The following TMEM218 variants were observed in gnomAD, a reference collection of about 807,000 sequenced individuals.
TMEM218 encodes the protein transmembrane protein 218.
TMEM218 carries 8 observed loss-of-function variants against 10.0 expected under a neutral mutation model. The ratio of observed to expected loss-of-function variants is 0.80; its 90% confidence interval spans 0.47 to 1.44. TMEM218 has a LOEUF of 1.44. Ranked by LOEUF, TMEM218 falls within the 40% of genes most tolerant of loss-of-function variation. The pLI is 0.00. For synonymous variants in TMEM218, 66 were observed against 63.5 expected (o/e 1.04, Z -0.18); for missense variants, 110 against 140.1 (o/e 0.79, Z 1.08).
chr11:125,098,438 C>A (rs187409148), intron 4 of TMEM218, among the ~76,000 whole-genome samples: 18 of 152,288 alleles, frequency 1.2e-4, no homozygotes, highest in Admixed American at 1.2e-3. Flanking sequence ...TGTCCACTGA[C>A]CCCTTCCAGA....
chr11:125,111,020 C>T (rs1053981694), intron 1 of TMEM218, among the ~76,000 whole-genome samples: 6 of 152,202 alleles, frequency 3.9e-5, no homozygotes, highest in Non-Finnish European at 4.4e-5. Flanking sequence ...GTAGCATCTG[C>T]TCTTAACACG....
chr11:125,111,046 G>A (rs1440449108), intron 1 of TMEM218, among the ~76,000 whole-genome samples: 4 of 152,184 alleles, frequency 2.6e-5, no homozygotes, highest in African/African-American at 9.7e-5. Context: ...AGAAAAAGGA[G>A]GATCAGTAAA....
intron 1 of TMEM218, chr11:125,110,855 G>GGT (rs1953735317): frequency 7.0e-6 from 1 of 143,062 alleles, no homozygotes; most frequent in South Asian, 2.4e-4. Context: ...AATAACGGGG[G>GGT]GGGGGGGTTA....
At position 125,102,293 on chromosome 11, in the gene TMEM218, G is replaced by A; in HGVS notation, c.-52C>T. The A allele has an allele frequency of 6.3e-7, 1 of 1,590,384 alleles. No individual in the cohort carries two copies. The highest frequency in any genetic ancestry group is 8.5e-7 in the Non-Finnish European group (1 of 1,169,740). On this transcript the variant is annotated 5_prime_UTR_variant, in exon 3 of 5. Coordinates refer to ENST00000682305, the MANE Select transcript of TMEM218 (RefSeq NM_001258244.2). ...CGCCCTGCGCGCCGCACGATCGAGT[G>A]TCCTCTGTGCTCCAGTGCAACACAC... is the stretch of plus-strand genomic sequence containing the variant.
intron 1 of TMEM218, chr11:125,103,383 C>G (rs1466517041): frequency 6.6e-6 from 1 of 152,310 alleles, no homozygotes; most frequent in Non-Finnish European, 1.5e-5. Context: ...TTCCATGAAA[C>G]CAGTCCCTGG....
intron 1 of TMEM218, among the ~76,000 whole-genome samples, chr11:125,105,489 G>C (rs1951896293): frequency 6.6e-6 from 1 of 152,174 alleles, no homozygotes; most frequent in Admixed American, 6.6e-5. Context: ...GGAGGTATGA[G>C]ATACAGGAAG....
intron 1 of TMEM218, chr11:125,110,692 T>G (rs139074821): frequency 2.6e-5 from 4 of 152,248 alleles, no homozygotes; most frequent in African/African-American, 9.7e-5. Context: ...GCCTAAGTGC[T>G]GCTGCTGGAG....
chr11:125,103,847 A>C (rs916735048), intron 1 of TMEM218: 1 of 152,208 alleles, frequency 6.6e-6, no homozygotes, highest in African/African-American at 2.4e-5. Flanking sequence ...TATGGTTTAA[A>C]TACCACGAAA....
chr11:125,096,693 A>T lies in TMEM218; in HGVS notation c.*913T>A, dbSNP rs536493815. ...TCTAGGGAGTCAGGATCAGACTTCC[A>T]AAGTGGAACCTGACCAGGGCCCCTC... On this transcript the variant is annotated 3_prime_UTR_variant, in exon 5 of 5. Transcript: ENST00000682305. 4 of 152,330 alleles carry T rather than the reference A, an allele frequency of 2.6e-5. No homozygotes were observed. The East Asian group carries it at 7.7e-4, about 29-fold the overall frequency. The allele number at this position is 152,330 out of a possible 1,614,324, so 9.4% of individuals were successfully genotyped here.
intron 3 of TMEM218, chr11:125,101,628 G>C (rs1302868811): frequency 1.4e-6 from 1 of 697,636 alleles, no homozygotes; most frequent in Admixed American, 3.2e-5. Flanking sequence ...TTTTAGAACA[G>C]AATACTTTAG....
chr11:125,104,957 G>A (rs1951768422), intron 1 of TMEM218: 1 of 152,186 alleles, frequency 6.6e-6, no homozygotes, highest in Non-Finnish European at 1.5e-5. Context: ...GTCTACGAGG[G>A]TCCTGGTGCC....
chr11:125,106,253 A>G (rs1591412680), intron 1 of TMEM218, among the ~76,000 whole-genome samples: 4 of 152,040 alleles, frequency 2.6e-5, no homozygotes, highest in Non-Finnish European at 1.5e-5. Context: ...GCCACAGTTG[A>G]AAAAAAACCA....
chr11:125,102,766 C>A lies in TMEM218; in HGVS notation c.-109G>T, dbSNP rs1951114268. On this transcript the variant is annotated 5_prime_UTR_variant, in exon 2 of 5. Coordinates refer to ENST00000682305, the MANE Select transcript of TMEM218 (RefSeq NM_001258244.2). ...TGGATCACAAGACAGAAAGTTCCCACTCTGTTGTCGAGTTCTTATTCAAGA... is the reference window on the plus strand; with the variant it reads ...TGGATCACAAGACAGAAAGTTCCCAATCTGTTGTCGAGTTCTTATTCAAGA... 1 of 1,248,750 alleles carries A rather than the reference C, an allele frequency of 8.0e-7. No homozygotes were observed. The highest frequency in any genetic ancestry group is 1.3e-5 in the South Asian group (1 of 79,434). The allele number at this position is 1,248,750 out of a possible 1,614,324, so 77.4% of individuals were successfully genotyped here.
intron 1 of TMEM218, among the ~76,000 whole-genome samples, chr11:125,109,548 T>G (rs964401300): frequency 2.1e-4 from 32 of 152,230 alleles, no homozygotes; most frequent in African/African-American, 7.7e-4. Flanking sequence ...AATGTACTAT[T>G]TTCTGTTTTT....
chr11:125,102,858 C>T, intron 1 of TMEM218, 49 bp from the exon 2 acceptor site: 2 of 478,830 alleles, frequency 4.2e-6, no homozygotes, highest in Non-Finnish European at 6.9e-6. Context: ...TCACTGTGTG[C>T]TAAGTGCCGT....
intron 1 of TMEM218, among the ~76,000 whole-genome samples, chr11:125,107,587 A>G (rs1952520359): frequency 2.0e-5 from 3 of 152,084 alleles, no homozygotes; most frequent in Admixed American, 6.6e-5. Flanking sequence ...AGATATATGC[A>G]TACACACGTA....
At position 125,102,278 on chromosome 11, in the gene TMEM218, G is replaced by A. The variant is rs768980949; in HGVS notation, c.-37C>T. 1.9e-5 allele frequency: 30 copies of A among 1,600,986 alleles called. No homozygotes were observed. Among genetic ancestry groups the A allele is most frequent in the Middle Eastern group, 3.4e-4 (2 of 5,966 alleles). On this transcript the variant is annotated 5_prime_UTR_variant, in exon 3 of 5. Transcript: ENST00000682305. Reference sequence around the variant, plus strand: ...GCAGCGGCGGCCCCCCGCCCTGCGCGCCGCACGATCGAGTGTCCTCTGTGC... The same window carrying A: ...GCAGCGGCGGCCCCCCGCCCTGCGCACCGCACGATCGAGTGTCCTCTGTGC...
intron 3 of TMEM218, chr11:125,101,759 G>C: frequency 2.0e-6 from 1 of 490,558 alleles, no homozygotes; most frequent in Non-Finnish European, 3.5e-6. Flanking sequence ...TAGAAAGCAG[G>C]CCCAACTCAT....
Position 125,095,598 on chromosome 11 carries a change from C to G in TMEM218, c.*2008G>C, listed in dbSNP as rs1238539268. Among the ~76,000 whole-genome samples, 1 of 151,368 alleles carries G rather than the reference C, an allele frequency of 6.6e-6. No homozygotes were observed. The highest frequency in any genetic ancestry group is 1.5e-5 in the Non-Finnish European group (1 of 67,938). ...GACTCCAGGTCTGTAGACTGTAGGT[C>G]AAGTCAAGCTGAAATAAACTTTGCA... On this transcript the variant is annotated 3_prime_UTR_variant, in exon 5 of 5. Transcript: ENST00000682305.
Sources: allele counts gnomAD v4.1 joint callset (sites outside exome capture counted in the v4.1 genomes callset), GRCh38; gene constraint gnomAD v4.1.1; transcripts MANE v1.5; gene names NCBI Gene and HGNC (gene_info 2026-07-23, HGNC 2026-07-21).